Variants in ABLIM2 observed in about 807,000 individuals in gnomAD.
ABLIM2 encodes the protein actin-binding LIM protein 2.
Under a neutral mutation model 97.7 loss-of-function variants are expected in ABLIM2, and 53 were observed. That is an observed-to-expected ratio of 0.54 (90% confidence interval 0.44 to 0.68). The LOEUF (loss-of-function observed/expected upper bound fraction) is 0.68, where lower values mean the gene tolerates loss of function less well. ABLIM2 is among the 30% of genes least tolerant of loss of function. ABLIM2 has a pLI of 0.00. For synonymous variants in ABLIM2, 361 were observed against 345.8 expected (o/e 1.04, Z -0.49); for missense variants, 835 against 867.2 (o/e 0.96, Z 0.47).
intron 11 of ABLIM2, 77 bp downstream of exon 11, chr4:8,029,579 A>G (rs1417291774): frequency 7.5e-7 from 1 of 1,336,332 alleles, no homozygotes; most frequent in South Asian, 1.9e-5. Context: ...TAACCGAAAA[A>G]AAAAACTAAA....
At chr4:8,119,131 G>A (rs764274717) in intron 1 of ABLIM2, among the ~76,000 whole-genome samples, 4 of 152,016 alleles carry the variant, frequency 2.6e-5, no homozygotes, top group Admixed American at 6.6e-5. Context: ...GCCTCAGGCT[G>A]TCCCAGGACA....
chr4:8,070,247 T>A (rs1811044507), intron 6 of ABLIM2, among the ~76,000 whole-genome samples: 1 of 151,292 alleles, frequency 6.6e-6, no homozygotes. Context: ...TGTGTCTCTG[T>A]GTCCACGTGT....
Position 7,996,922 on chromosome 4 carries a change from C to G in ABLIM2, c.1619-3995G>C, listed in dbSNP as rs898850771. Among the ~76,000 whole-genome samples the G allele has an allele frequency of 1.3e-5, 2 of 151,980 alleles. No individual in the cohort carries two copies. The highest frequency in any genetic ancestry group is 2.9e-5 in the Non-Finnish European group (2 of 67,994). The stretch of plus-strand genomic sequence containing the variant: ...TTGCTTTCAACATTTTTTTCTTTGT[C>G]CTTAATTTTCAGAAATTTAATTATG... On this transcript the variant is annotated intron_variant, in intron 16 of 20. Transcript: ENST00000447017. This position sits in a 1 kb window ranked among gnomAD's most constrained non-coding sequence, Gnocchi z 4.5.
chr4:8,119,118 C>T (rs1578225818), intron 1 of ABLIM2, among the ~76,000 whole-genome samples: 1 of 152,070 alleles, frequency 6.6e-6, no homozygotes, highest in Non-Finnish European at 1.5e-5. Flanking sequence ...AGTGGCCCAG[C>T]AAGCCTCAGG....
chr4:7,975,408 G>C (rs1351299192), intron 20 of ABLIM2, among the ~76,000 whole-genome samples: 1 of 152,198 alleles, frequency 6.6e-6, no homozygotes, highest in Non-Finnish European at 1.5e-5. Flanking sequence ...GAGTGGAAGA[G>C]GATGATCACA....
chr4:8,026,636 C>A (rs1432095221), intron 12 of ABLIM2, among the ~76,000 whole-genome samples: 29 of 152,246 alleles, frequency 1.9e-4, no homozygotes, highest in Non-Finnish European at 1.5e-5. Flanking sequence ...ATCATTGCTG[C>A]CTCCTCTAAT....
At chr4:7,989,514 C>T (rs1263113584) in intron 17 of ABLIM2, 1 of 727,396 alleles carries the variant, frequency 1.4e-6, no homozygotes, top group Non-Finnish European at 1.7e-6. Flanking sequence ...CATTATGCCT[C>T]CATAATGAAT....
chr4:8,056,303 T>G (rs1799095146), intron 7 of ABLIM2, among the ~76,000 whole-genome samples: 1 of 132,106 alleles, frequency 7.6e-6, no homozygotes, highest in Non-Finnish European at 1.6e-5. Flanking sequence ...CTTTCTTTCT[T>G]TCTTTTTTTT....
intron 10 of ABLIM2, among the ~76,000 whole-genome samples, chr4:8,031,601 C>T (rs1780948309): frequency 6.6e-6 from 1 of 152,206 alleles, no homozygotes; most frequent in Admixed American, 6.5e-5. Context: ...AATCCTCCTG[C>T]ACCTCATAGT....
At chr4:8,104,742 C>G (rs76819311) in intron 2 of ABLIM2, among the ~76,000 whole-genome samples, 8 of 152,210 alleles carry the variant, frequency 5.3e-5, no homozygotes, top group African/African-American at 1.7e-4. Flanking sequence ...CGCGCTGTGG[C>G]CTCTGACCTC....
chr4:8,003,522 C>T lies in ABLIM2; in HGVS notation c.1618+4537G>A, dbSNP rs554293383. On this transcript the variant is annotated intron_variant, in intron 16 of 20. Coordinates refer to ENST00000447017, the MANE Select transcript of ABLIM2 (RefSeq NM_001130083.2). The surrounding 1 kb of genome is among the most constrained non-coding windows in gnomAD (Gnocchi z 4.2). ...TGAATCTGTTGACTGGCAGCTCCCA[C>T]CCACTGTCTCTGGACCACTACGCTC... Among the ~76,000 whole-genome samples, 2 of 151,976 alleles carry T rather than the reference C, an allele frequency of 1.3e-5. No homozygotes were observed. The highest frequency in any genetic ancestry group is 4.8e-5 in the African/African-American group (2 of 41,434).
rs1168193300 is a variant in ABLIM2 at position 7,970,032 on chromosome 4, C to CT, written c.1825-2930dup. On this transcript the variant is annotated intron_variant, in intron 20 of 20. Coordinates refer to ENST00000447017, the MANE Select transcript of ABLIM2 (RefSeq NM_001130083.2). This position sits in a 1 kb window ranked among gnomAD's most constrained non-coding sequence, Gnocchi z 5.3. ...GCACTTACAGGTACAAAATCACCAT[C>CT]TTCTGAATTATGGTGGAACAATCAA... Among the ~76,000 whole-genome samples the CT allele has an allele frequency of 1.3e-4, 20 of 152,144 alleles. No individual in the cohort carries two copies. Among genetic ancestry groups the CT allele is most frequent in the Non-Finnish European group, 4.4e-5 (3 of 68,022 alleles).
chr4:8,114,573 T>C (rs763980041), intron 1 of ABLIM2, among the ~76,000 whole-genome samples: 25 of 152,252 alleles, frequency 1.6e-4, no homozygotes, highest in Admixed American at 5.9e-4. Context: ...ACTTCCTTCC[T>C]AACCTACTTA....
chr4:8,123,480 C>T lies in ABLIM2; in HGVS notation c.11-16843G>A, dbSNP rs1846396507. Among the ~76,000 whole-genome samples the T allele has an allele frequency of 6.6e-6, 1 of 152,206 alleles. No homozygotes were observed. Among genetic ancestry groups the T allele is most frequent in the Non-Finnish European group, 1.5e-5 (1 of 68,026 alleles). ...AAATTCCTGACCCTTCTCATGTTCTCCTGATCTGCTGATTCAAGGGAGGCT... is the reference window on the plus strand; with the variant it reads ...AAATTCCTGACCCTTCTCATGTTCTTCTGATCTGCTGATTCAAGGGAGGCT... On this transcript the variant is annotated intron_variant, in intron 1 of 20. Coordinates refer to ENST00000447017, the MANE Select transcript of ABLIM2 (RefSeq NM_001130083.2). This position sits in a 1 kb window ranked among gnomAD's most constrained non-coding sequence, Gnocchi z 6.2.
intron 12 of ABLIM2, 29 bp from the exon 13 acceptor site, chr4:8,020,332 T>C (rs767925205): frequency 1.0e-5 from 16 of 1,581,860 alleles, no homozygotes; most frequent in Admixed American, 1.7e-5. Context: ...AGGCAGCAGA[T>C]AGAAGGGGAA....
chr4:7,969,575 CATTTCACA>C (rs370807251), intron 20 of ABLIM2, among the ~76,000 whole-genome samples: 27 of 152,302 alleles, frequency 1.8e-4, no homozygotes, highest in African/African-American at 6.3e-4. Context: ...GCCACTCACG[CATTTCACA>C]AGAATCACCA....
At chr4:8,011,717 TC>T (rs1765014124) in intron 14 of ABLIM2, among the ~76,000 whole-genome samples, 1 of 152,248 alleles carries the variant, frequency 6.6e-6, no homozygotes, top group Non-Finnish European at 1.5e-5. Flanking sequence ...GTCTTTTGTA[TC>T]ACACAGGCAG....
chr4:8,018,508 G>T (rs1771139335), intron 14 of ABLIM2, among the ~76,000 whole-genome samples: 1 of 152,188 alleles, frequency 6.6e-6, no homozygotes, highest in Admixed American at 6.5e-5. Context: ...GAAAGGCAAT[G>T]GTAGAAGCCA....
At chr4:7,976,433 G>A (rs926288505) in intron 20 of ABLIM2, among the ~76,000 whole-genome samples, 3 of 152,214 alleles carry the variant, frequency 2.0e-5, no homozygotes, top group South Asian at 2.1e-4. Context: ...AGCCACAGGG[G>A]TTGTTTTCAA....
Sources: gnomAD v4.1 joint callset for allele counts (sites outside exome capture counted in the v4.1 genomes callset) on GRCh38, gnomAD v4.1.1 for gene constraint, Gnocchi (gnomAD v3.1) non-coding constraint, MANE v1.5 for transcripts, NCBI Gene and HGNC (gene_info 2026-07-23, HGNC 2026-07-21) for gene names.